The following HNRNPA0 variants were observed in gnomAD, a reference collection of about 807,000 sequenced individuals.
HNRNPA0 encodes the protein heterogeneous nuclear ribonucleoprotein A0.
For synonymous variants in HNRNPA0, 243 were observed against 195.5 expected (o/e 1.24, Z -2.03); for missense variants, 252 against 433.7 (o/e 0.58, Z 3.72).
At position 137,751,459 on chromosome 5, in the gene HNRNPA0, C is replaced by G. The variant is rs1450541692; in HGVS notation, c.*1690G>C. 6.7e-6 allele frequency: 1 copy of G among 149,542 alleles called. No homozygotes were observed. The highest frequency in any genetic ancestry group is 1.5e-5 in the Non-Finnish European group (1 of 67,552). 9.3% of individuals were successfully genotyped at this position (149,542 alleles called of 1,614,324 possible). On this transcript the variant is annotated 3_prime_UTR_variant, in exon 1 of 1. Coordinates refer to ENST00000314940, the MANE Select transcript of HNRNPA0 (RefSeq NM_006805.4). ...TCTTAGTATAGCTTTGAGCCTTCAA[C>G]GTCAACATGTAAGTCAAATATTTAA...
At position 137,750,131 on chromosome 5, in the gene HNRNPA0, A is replaced by G. The variant is rs566342321; in HGVS notation, c.*3018T>C. 3.2e-4 allele frequency: 49 copies of G among 152,300 alleles called. No individual in the cohort carries two copies. The highest frequency in any genetic ancestry group is 1.2e-3 in the African/African-American group (49 of 41,574). 9.4% of individuals were successfully genotyped at this position (152,300 alleles called of 1,614,324 possible). A position where few individuals can be genotyped will look rare whatever the true frequency, so the allele number is the denominator to read the frequency against. On this transcript the variant is annotated 3_prime_UTR_variant, in exon 1 of 1. Coordinates refer to ENST00000314940, the MANE Select transcript of HNRNPA0 (RefSeq NM_006805.4). ...CCTGAAAAACACTACAGATATTCCA[A>G]TCAAAAAATCTAAAATGCTCCAAAA...
At position 137,746,778 on chromosome 5, in the gene HNRNPA0, CT is replaced by C. The variant is rs1753415105; in HGVS notation, c.*6370del. 1 of 152,056 alleles carries C rather than the reference CT, an allele frequency of 6.6e-6. No individual in the cohort carries two copies. Among genetic ancestry groups the C allele is most frequent in the South Asian group, 2.1e-4 (1 of 4,834 alleles). 9.4% of individuals were successfully genotyped at this position (152,056 alleles called of 1,614,324 possible). ...GCTCTTTGAGGGCAGGGATTTTTGT[CT>C]TTTTCTTCTGTATTTCCAGCACAAT... On this transcript the variant is annotated 3_prime_UTR_variant, in exon 1 of 1. Transcript: ENST00000314940.
Position 137,752,127 on chromosome 5 carries a change from A to C in HNRNPA0, c.*1022T>G, listed in dbSNP as rs930061404. 2.0e-5 allele frequency: 3 copies of C among 152,194 alleles called. No homozygotes were observed. Among genetic ancestry groups the C allele is most frequent in the African/African-American group, 4.8e-5 (2 of 41,418 alleles). 9.4% of individuals were successfully genotyped at this position (152,194 alleles called of 1,614,324 possible). On this transcript the variant is annotated 3_prime_UTR_variant, in exon 1 of 1. Coordinates refer to ENST00000314940, the MANE Select transcript of HNRNPA0 (RefSeq NM_006805.4). The stretch of plus-strand genomic sequence containing the variant: ...TCGGATATAGGAAAAAAAAAAAAAA[A>C]ACGTTTAAACCTGCTCTGAAAGTAC...
rs1460895928 is a variant in HNRNPA0 at position 137,753,422 on chromosome 5, G to A, written c.645C>T (p.Gly215=). Residue 215 remains glycine (G), a synonymous_variant, in exon 1 of 1, where the codon GGC becomes GGT. Transcript: ENST00000314940. This position sits in a 1 kb window ranked among gnomAD's most constrained non-coding sequence, Gnocchi z 6.1. Reference sequence around the variant, plus strand: ...CGTAACCACCGTAGCTGTTGTAACCGCCGCCGCCGCCCTTGGAAAGGCCGT... The same window carrying A: ...CGTAACCACCGTAGCTGTTGTAACCACCGCCGCCGCCCTTGGAAAGGCCGT... The part of the protein sequence containing the change: ...DQNGLSKGGG[G]GYNSYGGYGG... 4 of 1,548,454 alleles carry A rather than the reference G, an allele frequency of 2.6e-6. No individual in the cohort carries two copies. Among genetic ancestry groups the A allele is most frequent in the Non-Finnish European group, 3.5e-6 (4 of 1,146,030 alleles).
rs1561630073 is a variant in HNRNPA0 at position 137,753,236 on chromosome 5, TCCA to T, written c.828_830del (p.Gly278del). ...TACTGCGACCGCCCCAGCTACTGCC[TCCA>T]CCGCCGCCGCCGCCGCCGCTCTTCA... On this transcript the variant is annotated inframe_deletion, in exon 1 of 1. Transcript: ENST00000314940. The surrounding 1 kb of genome is among the most constrained non-coding windows in gnomAD (Gnocchi z 6.1). 1 of 1,611,024 alleles carries T rather than the reference TCCA, an allele frequency of 6.2e-7. No individual in the cohort carries two copies.
rs1184853766 is a variant in HNRNPA0 at position 137,754,327 on chromosome 5, C to G, written c.-261G>C. The G allele has an allele frequency of 3.9e-6, 2 of 508,210 alleles. No homozygotes were observed. The highest frequency in any genetic ancestry group is 3.8e-5 in the African/African-American group (2 of 52,072). The allele number at this position is 508,210 out of a possible 1,614,324, so 31.5% of individuals were successfully genotyped here. ...AAGGCCACCGCTACCGCCGCCGCCG[C>G]CACCTCCGCTCCCCTATCTGGGCAC... On this transcript the variant is annotated 5_prime_UTR_variant, in exon 1 of 1. Coordinates refer to ENST00000314940, the MANE Select transcript of HNRNPA0 (RefSeq NM_006805.4).
At position 137,747,283 on chromosome 5, in the gene HNRNPA0, C is replaced by A. The variant is rs773803682; in HGVS notation, c.*5866G>T. 1 of 152,118 alleles carries A rather than the reference C, an allele frequency of 6.6e-6. No individual in the cohort carries two copies. The highest frequency in any genetic ancestry group is 2.4e-5 in the African/African-American group (1 of 41,424). The allele number at this position is 152,118 out of a possible 1,614,324, so 9.4% of individuals were successfully genotyped here. A position where few individuals can be genotyped will look rare whatever the true frequency, so the allele number is the denominator to read the frequency against. ...AAGCCAGAAAAGAGAGTATGCAGTT[C>A]TTTATTTGTCAGCCTCCCAGGAACA... is the stretch of plus-strand genomic sequence containing the variant. On this transcript the variant is annotated 3_prime_UTR_variant, in exon 1 of 1. Coordinates refer to ENST00000314940, the MANE Select transcript of HNRNPA0 (RefSeq NM_006805.4).
At position 137,747,210 on chromosome 5, in the gene HNRNPA0, A is replaced by T. The variant is rs1176985630; in HGVS notation, c.*5939T>A. On this transcript the variant is annotated 3_prime_UTR_variant, in exon 1 of 1. Transcript: ENST00000314940. ...AAGTATATGAGAAAGAGAAGGAGCA[A>T]ATATTTCAGCCTCACTTTTCTATCA... 6.6e-6 allele frequency: 1 copy of T among 152,188 alleles called. No homozygotes were observed. The highest frequency in any genetic ancestry group is 2.4e-5 in the African/African-American group (1 of 41,436). 9.4% of individuals were successfully genotyped at this position (152,188 alleles called of 1,614,324 possible).
At position 137,753,524 on chromosome 5, in the gene HNRNPA0, G is replaced by T; in HGVS notation, c.543C>A (p.Ser181=). 1 of 1,609,612 alleles carries T rather than the reference G, an allele frequency of 6.2e-7. No homozygotes were observed. Among genetic ancestry groups the T allele is most frequent in the Non-Finnish European group, 8.5e-7 (1 of 1,177,700 alleles). Reference sequence around the variant, plus strand: ...ATCGGGAGCCGCCTCCACCCCCACCGGAGTAGATATCCTCCTTGGGGACTG... The same window carrying T: ...ATCGGGAGCCGCCTCCACCCCCACCTGAGTAGATATCCTCCTTGGGGACTG... ...KKAVPKEDIY[S]GGGGGGSRSS... is the part of the protein sequence containing the mutation. The change falls in exon 1 of 1, where the codon TCC becomes TCA. Residue 181 remains serine (S), a synonymous_variant. Coordinates refer to ENST00000314940, the MANE Select transcript of HNRNPA0 (RefSeq NM_006805.4). The surrounding 1 kb of genome is among the most constrained non-coding windows in gnomAD (Gnocchi z 6.1).
rs75922891 is a variant in HNRNPA0 at position 137,753,551 on chromosome 5, T to C, written c.516A>G (p.Lys172=). 1,299 of 1,613,016 alleles carry C rather than the reference T, an allele frequency of 8.1e-4. 12 individuals are homozygous for C. The African/African-American group carries it at 0.014, about 18-fold the overall frequency. Residue 172 remains lysine, a synonymous_variant, in exon 1 of 1, where the codon AAA becomes AAG. Coordinates refer to ENST00000314940, the MANE Select transcript of HNRNPA0 (RefSeq NM_006805.4). The surrounding 1 kb of genome is among the most constrained non-coding windows in gnomAD (Gnocchi z 6.1). ...AGTAGATATCCTCCTTGGGGACTGC[T>C]TTCTTCACCTCCACGCGATGGCCCT... ...PIQGHRVEVK[K]AVPKEDIYSG...
rs1404881759 is a variant in HNRNPA0, at chr5:137,751,160, T to C, written c.*1989A>G. The stretch of plus-strand genomic sequence containing the variant: ...AGGATTTGACTATGTATTACCTCAA[T>C]GTGTAAAAACATCCACCCCGTTTGT... On this transcript the variant is annotated 3_prime_UTR_variant, in exon 1 of 1. Transcript: ENST00000314940. 1 of 152,110 alleles carries C rather than the reference T, an allele frequency of 6.6e-6. No individual in the cohort carries two copies. 9.4% of individuals were successfully genotyped at this position (152,110 alleles called of 1,614,324 possible). A position where few individuals can be genotyped will look rare whatever the true frequency, so the allele number is the denominator to read the frequency against.
At position 137,748,309 on chromosome 5, in the gene HNRNPA0, T is replaced by G. The variant is rs1414514285; in HGVS notation, c.*4840A>C. On this transcript the variant is annotated 3_prime_UTR_variant, in exon 1 of 1. Transcript: ENST00000314940. ...TCACATTATTTATACCTTCCTAATA[T>G]TAACAAATACTTAAAACATTACAGA... 6.6e-6 allele frequency: 1 copy of G among 152,168 alleles called. No homozygotes were observed. The highest frequency in any genetic ancestry group is 1.5e-5 in the Non-Finnish European group (1 of 68,022). 9.4% of individuals were successfully genotyped at this position (152,168 alleles called of 1,614,324 possible).
rs1561630178 is a variant in HNRNPA0 at position 137,753,338 on chromosome 5, G to A, written c.729C>T (p.Tyr243=). 1.3e-6 allele frequency: 2 copies of A among 1,555,580 alleles called. No individual in the cohort carries two copies. The highest frequency in any genetic ancestry group is 1.7e-6 in the Non-Finnish European group (2 of 1,150,058). Residue 243 remains tyrosine (Y), a synonymous_variant, in exon 1 of 1, where the codon TAC becomes TAT. Transcript: ENST00000314940. This position sits in a 1 kb window ranked among gnomAD's most constrained non-coding sequence, Gnocchi z 6.1. ...AYGGGGGGSS[Y]GGSDYGNGFG... ...AGCCGTTACCGTAGTCGCTCCCACC[G>A]TAGGACGAACCGCCGCCGCCGCCTC...
rs1182598364 is a variant in HNRNPA0, at chr5:137,754,043, C to T, written c.24G>A (p.Lys8=). 24 of 1,613,340 alleles carry T rather than the reference C, an allele frequency of 1.5e-5. No individual in the cohort carries two copies. The highest frequency in any genetic ancestry group is 2.0e-5 in the Non-Finnish European group (24 of 1,179,524). The part of the protein sequence containing the change: MENSQLC[K]LFIGGLNVQT... ...GCACATTGAGGCCGCCGATGAACAGCTTACACAACTGAGAATTCTCCATCT... is the reference window on the plus strand; with the variant it reads ...GCACATTGAGGCCGCCGATGAACAGTTTACACAACTGAGAATTCTCCATCT... Residue 8 remains lysine, a synonymous_variant, in exon 1 of 1, where the codon AAG becomes AAA. Coordinates refer to ENST00000314940, the MANE Select transcript of HNRNPA0 (RefSeq NM_006805.4).
At position 137,754,242 on chromosome 5, in the gene HNRNPA0, G is replaced by A. The variant is rs981653311; in HGVS notation, c.-176C>T. 20 of 855,078 alleles carry A rather than the reference G, an allele frequency of 2.3e-5. No homozygotes were observed. Among genetic ancestry groups the A allele is most frequent in the Non-Finnish European group, 3.4e-5 (19 of 562,950 alleles). 53.0% of individuals were successfully genotyped at this position (855,078 alleles called of 1,614,324 possible). A position where few individuals can be genotyped will look rare whatever the true frequency, so the allele number is the denominator to read the frequency against. On this transcript the variant is annotated 5_prime_UTR_variant, in exon 1 of 1. Transcript: ENST00000314940. ...GGGAGGGAAGGAAGGAAGAGAGGAA[G>A]GGGGAGGGAAGGGGAGCGGTGCCGG...
rs1034474597 is a variant in HNRNPA0, at chr5:137,752,289, T to C, written c.*860A>G. On this transcript the variant is annotated 3_prime_UTR_variant, in exon 1 of 1. Transcript: ENST00000314940. ...AATGACATGCTTAACACAAACTATATAGAACTACACAGTACACAGTTTGAA... is the reference window on the plus strand; with the variant it reads ...AATGACATGCTTAACACAAACTATACAGAACTACACAGTACACAGTTTGAA... 4 of 152,256 alleles carry C rather than the reference T, an allele frequency of 2.6e-5. No individual in the cohort carries two copies. Among genetic ancestry groups the C allele is most frequent in the South Asian group, 4.1e-4 (2 of 4,820 alleles). 9.4% of individuals were successfully genotyped at this position (152,256 alleles called of 1,614,324 possible).
rs950181348 is a variant in HNRNPA0 at position 137,753,290 on chromosome 5, G to A, written c.777C>T (p.Ser259=). The A allele has an allele frequency of 6.3e-7, 1 of 1,588,264 alleles. No individual in the cohort carries two copies. Among genetic ancestry groups the A allele is most frequent in the East Asian group, 2.3e-5 (1 of 43,648 alleles). ...GNGFGGFGSY[S]QHQSSYGPMK... is the part of the protein sequence containing the mutation. ...TGGGCCCATAGGAGGACTGATGCTG[G>A]CTGTAGCTGCCGAAGCCGCCGAAGC... Residue 259 remains serine, a synonymous_variant, in exon 1 of 1, where the codon AGC becomes AGT. Transcript: ENST00000314940. This position sits in a 1 kb window ranked among gnomAD's most constrained non-coding sequence, Gnocchi z 6.1.
rs2149946491 is a variant in HNRNPA0, at chr5:137,748,281, C to T, written c.*4868G>A. ...CCTACCTGAAGTCACCTCTCCTCAA[C>T]ACTCACATTATTTATACCTTCCTAA... On this transcript the variant is annotated 3_prime_UTR_variant, in exon 1 of 1. Coordinates refer to ENST00000314940, the MANE Select transcript of HNRNPA0 (RefSeq NM_006805.4). 1 of 152,334 alleles carries T rather than the reference C, an allele frequency of 6.6e-6. No homozygotes were observed. Among genetic ancestry groups the T allele is most frequent in the South Asian group, 2.1e-4 (1 of 4,832 alleles). 9.4% of individuals were successfully genotyped at this position (152,334 alleles called of 1,614,324 possible).
rs1753445130 is a variant in HNRNPA0 at position 137,748,553 on chromosome 5, T to A, written c.*4596A>T. On this transcript the variant is annotated 3_prime_UTR_variant, in exon 1 of 1. Transcript: ENST00000314940. The stretch of plus-strand genomic sequence containing the variant: ...GTGTACCAGAGACTACAGTAAGCCC[T>A]TCTTTATATGCATTCTTTCACTGAA... 6.6e-6 allele frequency: 1 copy of A among 152,178 alleles called. No individual in the cohort carries two copies. Among genetic ancestry groups the A allele is most frequent in the South Asian group, 2.1e-4 (1 of 4,830 alleles). The allele number at this position is 152,178 out of a possible 1,614,324, so 9.4% of individuals were successfully genotyped here. A position where few individuals can be genotyped will look rare whatever the true frequency, so the allele number is the denominator to read the frequency against.
Sources: allele counts gnomAD v4.1 joint callset, GRCh38; gene constraint gnomAD v4.1.1; non-coding constraint Gnocchi (gnomAD v3.1); transcripts MANE v1.5; gene names NCBI Gene and HGNC (gene_info 2026-07-23, HGNC 2026-07-21).